SUGCT: variants seen among roughly 807,000 people sequenced by gnomAD.
The protein encoded by SUGCT is succinyl-CoA:glutarate CoA-transferase.
A neutral mutation model predicts 55.0 loss-of-function variants in SUGCT; 41 were observed. The ratio of observed to expected loss-of-function variants is 0.74; its 90% CI spans 0.58 to 0.97. The LOEUF (loss-of-function observed/expected upper bound fraction) is 0.97. Ranked by LOEUF, SUGCT falls within the 50% of genes least tolerant of loss-of-function variation. The probability of loss-of-function intolerance (pLI) is 0.00; values close to 1 mark genes in which losing one functional copy is unlikely to be tolerated. For synonymous variants in SUGCT, 187 were observed against 200.4 expected (o/e 0.93, Z 0.56); for missense variants, 568 against 547.8 (o/e 1.04, Z -0.37).
At position 40,391,104 on chromosome 7, in the gene SUGCT, C is replaced by T. The variant is rs866375883; in HGVS notation, c.817-58183C>T. On this transcript the variant is annotated intron_variant, in intron 9 of 13. Transcript: ENST00000335693. ...ATATGTAGAAAGCTGAAACTGGATC[C>T]CTTCCTTACACCTTATACAAAAATT... Among the ~76,000 whole-genome samples, 65 of 152,216 alleles carry T rather than the reference C, an allele frequency of 4.3e-4. No individual in the cohort carries two copies. The Middle Eastern group carries it at 0.01, about 24-fold the overall frequency.
intron 12 of SUGCT, among the ~76,000 whole-genome samples, chr7:40,675,982 G>A (rs1783957895): frequency 6.6e-6 from 1 of 152,196 alleles, no homozygotes; most frequent in Non-Finnish European, 1.5e-5. Context: ...GGTGGCTGAG[G>A]CTAGTCACAT....
At chr7:40,317,969 C>A (rs1419465525) in intron 9 of SUGCT, among the ~76,000 whole-genome samples, 1 of 152,090 alleles carries the variant, frequency 6.6e-6, no homozygotes, top group African/African-American at 2.4e-5. Context: ...CAGTTCTTCC[C>A]CTTTGTCTGC....
intron 12 of SUGCT, among the ~76,000 whole-genome samples, chr7:40,520,242 A>G (rs1793456780): frequency 6.6e-6 from 1 of 152,118 alleles, no homozygotes; most frequent in African/African-American, 2.4e-5. Flanking sequence ...TAGAATTTTG[A>G]TAGTTTTCAA....
At chr7:40,948,249 T>A in the SUGCT span, among the ~76,000 whole-genome samples, 1 of 152,276 alleles carries the variant, frequency 6.6e-6, no homozygotes, top group South Asian at 2.1e-4. Flanking sequence ...AATACAAGCA[T>A]GGCTATTTGT....
At chr7:40,734,033 A>G (rs1414233114) in intron 12 of SUGCT, among the ~76,000 whole-genome samples, 3 of 152,240 alleles carry the variant, frequency 2.0e-5, no homozygotes, top group African/African-American at 4.8e-5. Flanking sequence ...AAGCTTTGCT[A>G]CATCAAATAA....
chr7:40,249,313 C>CTATCTATCTATATATATCTATATATATA (rs1324264789), intron 7 of SUGCT, among the ~76,000 whole-genome samples: 32 of 79,486 alleles, frequency 4.0e-4, no homozygotes, highest in African/African-American at 1.5e-3. Context: ...CACCAAAAAG[C>CTATCTATCTATATATATCTATATATATA]TATATATATA....
chr7:40,937,288 A>T, the SUGCT span, among the ~76,000 whole-genome samples: 1 of 151,782 alleles, frequency 6.6e-6, no homozygotes, highest in Non-Finnish European at 1.5e-5. Context: ...CCTCCCTCAG[A>T]CTTCCAAGTA....
intron 13 of SUGCT, among the ~76,000 whole-genome samples, chr7:40,792,130 G>A (rs533701056): frequency 3.5e-4 from 53 of 152,242 alleles, no homozygotes; most frequent in African/African-American, 1.2e-3. Context: ...GGGCAAAGCT[G>A]CATTGATTTA....
At chr7:40,339,272 G>A (rs986907647) in intron 9 of SUGCT, among the ~76,000 whole-genome samples, 2 of 152,200 alleles carry the variant, frequency 1.3e-5, no homozygotes, top group African/African-American at 4.8e-5. Flanking sequence ...TCTCTTCAAA[G>A]CTGTCAGACA....
At chr7:40,969,856 ATGCT>A in the SUGCT span, among the ~76,000 whole-genome samples, 1 of 152,170 alleles carries the variant, frequency 6.6e-6, no homozygotes, top group Non-Finnish European at 1.5e-5. Context: ...ATCTCTTAGT[ATGCT>A]TAGTTCCACA....
At chr7:40,730,208 A>G (rs1203819310) in intron 12 of SUGCT, among the ~76,000 whole-genome samples, 1 of 152,158 alleles carries the variant, frequency 6.6e-6, no homozygotes, top group Non-Finnish European at 1.5e-5. Context: ...CTCAGGTTCA[A>G]GTGATCCTCC....
chr7:40,343,062 G>A (rs1162543063), intron 9 of SUGCT, among the ~76,000 whole-genome samples: 1 of 152,086 alleles, frequency 6.6e-6, no homozygotes, highest in Non-Finnish European at 1.5e-5. Context: ...ATGACTGTTG[G>A]TGAACTTTGC....
At chr7:40,319,083 TTGTC>T (rs1795591757) in intron 9 of SUGCT, among the ~76,000 whole-genome samples, 2 of 152,224 alleles carry the variant, frequency 1.3e-5, no homozygotes, top group African/African-American at 4.8e-5. Context: ...GTGTCTGTGT[TTGTC>T]TGTTCTTCAA....
intron 12 of SUGCT, among the ~76,000 whole-genome samples, chr7:40,724,420 C>T (rs960525132): frequency 4.2e-4 from 64 of 151,734 alleles, no homozygotes; most frequent in Non-Finnish European, 7.9e-4. Context: ...AAAAAATTAA[C>T]GGCGTGGCAG....
intron 11 of SUGCT, among the ~76,000 whole-genome samples, chr7:40,469,708 GA>G (rs1790306366): frequency 9.6e-6 from 1 of 104,128 alleles, no homozygotes. Context: ...GTATGGAATG[GA>G]ATGTCATCTC....
intron 7 of SUGCT, among the ~76,000 whole-genome samples, chr7:40,249,313 CTATATATATATA>C (rs57348487): frequency 2.4e-4 from 19 of 79,512 alleles, no homozygotes; most frequent in South Asian, 9.2e-4. Flanking sequence ...CACCAAAAAG[CTATATATATATA>C]TATATATATA....
intron 6 of SUGCT, among the ~76,000 whole-genome samples, chr7:40,199,556 AT>A (rs1786476692): frequency 6.6e-6 from 1 of 152,126 alleles, no homozygotes; most frequent in African/African-American, 2.4e-5. Context: ...GTACAATGGT[AT>A]TTCCCCTAAC....
intron 13 of SUGCT, among the ~76,000 whole-genome samples, chr7:40,787,340 G>T (rs2128742506): frequency 6.6e-6 from 1 of 152,138 alleles, no homozygotes; most frequent in Non-Finnish European, 1.5e-5. Context: ...CCCCACTTAG[G>T]GCATTACCAT....
chr7:40,328,200 G>T (rs747222394), intron 9 of SUGCT, among the ~76,000 whole-genome samples: 2 of 152,132 alleles, frequency 1.3e-5, no homozygotes, highest in Non-Finnish European at 2.9e-5. Flanking sequence ...TCATCACAGG[G>T]ATCCTTAATT....
Sources: allele counts gnomAD v4.1 joint callset (sites outside exome capture counted in the v4.1 genomes callset), GRCh38; gene constraint gnomAD v4.1.1; transcripts MANE v1.5; gene names NCBI Gene and HGNC (gene_info 2026-07-23, HGNC 2026-07-21).